CAMTA1: variants seen among roughly 807,000 people sequenced by gnomAD.
CAMTA1 encodes the protein calmodulin binding transcription activator 1.
CAMTA1 carries 27 observed loss-of-function variants against 170.9 expected under a neutral mutation model. The ratio of observed to expected loss-of-function variants is 0.16; its 90% CI spans 0.12 to 0.22. The LOEUF is 0.22. Ranked by LOEUF, CAMTA1 falls within the 10% of genes least tolerant of loss-of-function variation. The pLI is 1.00. For synonymous variants in CAMTA1, 833 were observed against 891.5 expected (o/e 0.93, Z 1.17); for missense variants, 1,619 against 2,217.2 (o/e 0.73, Z 5.42).
intron 5 of CAMTA1, among the ~76,000 whole-genome samples, chr1:7,458,834 C>G (rs2093019437): frequency 6.6e-6 from 1 of 152,248 alleles, no homozygotes; most frequent in African/African-American, 2.4e-5. Context: ...CAATGACGAT[C>G]TAATATTCCA....
Position 7,732,144 on chromosome 1 carries a change from T to A in CAMTA1, c.2915-304T>A, listed in dbSNP as rs1235955870. On this transcript the variant is annotated intron_variant, in intron 11 of 22. Coordinates refer to ENST00000303635, the MANE Select transcript of CAMTA1 (RefSeq NM_015215.4). The surrounding 1 kb of genome is among the most constrained non-coding windows in gnomAD (Gnocchi z 4.1). ...CTCTCTACCAGATCTCATGTCAGGG[T>A]TTCCGTTGGGGAATTTGACAAAGAA... 2.6e-5 allele frequency among the ~76,000 whole-genome samples: 4 copies of A among 152,076 alleles called. No homozygotes were observed. The highest frequency in any genetic ancestry group is 5.9e-5 in the Non-Finnish European group (4 of 68,012).
Position 7,010,444 on chromosome 1 carries a change from G to GCTTTCT in CAMTA1, c.235-80860_235-80859insCTTTCT, listed in dbSNP as rs1699621422. On this transcript the variant is annotated intron_variant, in intron 3 of 22. Transcript: ENST00000303635. The surrounding 1 kb of genome is among the most constrained non-coding windows in gnomAD (Gnocchi z 4.4). Reference sequence around the variant, plus strand: ...CACTCCCAGGTCATGTCAGTCCTGAGGATGCCAGGAGACGCTTTCTGAACA... The same window carrying GCTTTCT: ...CACTCCCAGGTCATGTCAGTCCTGAGCTTTCTGATGCCAGGAGACGCTTTCTGAACA... 1.3e-5 allele frequency among the ~76,000 whole-genome samples: 2 copies of GCTTTCT among 152,216 alleles called. No homozygotes were observed. Among genetic ancestry groups the GCTTTCT allele is most frequent in the African/African-American group, 4.8e-5 (2 of 41,460 alleles).
At chr1:7,419,337 A>G (rs554629000) in intron 5 of CAMTA1, among the ~76,000 whole-genome samples, 1 of 152,148 alleles carries the variant, frequency 6.6e-6, no homozygotes, top group East Asian at 1.9e-4. Context: ...TTGTATTTTT[A>G]GTAGAGATAG....
chr1:7,661,233 C>G (rs934866882), intron 7 of CAMTA1, among the ~76,000 whole-genome samples: 1 of 150,222 alleles, frequency 6.7e-6, no homozygotes, highest in African/African-American at 2.5e-5. Context: ...TCTTACCCCC[C>G]AGGGTGGGGC....
chr1:7,386,368 G>A (rs893543380), intron 5 of CAMTA1, among the ~76,000 whole-genome samples: 13 of 152,176 alleles, frequency 8.5e-5, no homozygotes, highest in African/African-American at 2.4e-4. Flanking sequence ...TGCAGTGTCC[G>A]GAAGACTTGG....
Position 7,499,307 on chromosome 1 carries a change from T to TGG in CAMTA1, c.510+31407_510+31408insGG, listed in dbSNP as rs1553183406. ...AGCCTGGTGTGCGTGTGTATGTATA[T>TGG]GAGTGTGTGTGCATGTGTGTACATG... On this transcript the variant is annotated intron_variant, in intron 6 of 22. Coordinates refer to ENST00000303635, the MANE Select transcript of CAMTA1 (RefSeq NM_015215.4). Among the ~76,000 whole-genome samples, 5 of 81,270 alleles carry TGG rather than the reference T, an allele frequency of 6.2e-5. 1 individual carries two copies. Among genetic ancestry groups the TGG allele is most frequent in the East Asian group, 3.7e-4 (1 of 2,708 alleles). The allele number at this position is 81,270 out of a possible 152,430, so 53.3% of individuals were successfully genotyped here. A position where few individuals can be genotyped will look rare whatever the true frequency, so the allele number is the denominator to read the frequency against.
At chr1:7,161,936 A>G (rs1033439363) in intron 4 of CAMTA1, among the ~76,000 whole-genome samples, 21 of 152,280 alleles carry the variant, frequency 1.4e-4, no homozygotes, top group African/African-American at 5.1e-4. Flanking sequence ...TGCAACGCCA[A>G]GCTTACTGTG....
intron 3 of CAMTA1, among the ~76,000 whole-genome samples, chr1:6,992,883 A>C (rs1024996210): frequency 2.0e-5 from 3 of 152,216 alleles, no homozygotes; most frequent in Non-Finnish European, 4.4e-5. Context: ...CAACCATGTC[A>C]CCATCTCAGA....
chr1:7,430,721 G>A (rs2092117928), intron 5 of CAMTA1, among the ~76,000 whole-genome samples: 1 of 152,188 alleles, frequency 6.6e-6, no homozygotes, highest in Admixed American at 6.5e-5. Context: ...CTCATTCTCT[G>A]CATGTTCACC....
At chr1:7,508,908 A>G (rs565168261) in intron 6 of CAMTA1, among the ~76,000 whole-genome samples, 1 of 152,264 alleles carries the variant, frequency 6.6e-6, no homozygotes, top group African/African-American at 2.4e-5. Context: ...TCACTCAGCT[A>G]ATGAGGAAGA....
chr1:7,257,292 C>T (rs1667556381), intron 5 of CAMTA1, among the ~76,000 whole-genome samples: 1 of 152,194 alleles, frequency 6.6e-6, no homozygotes, highest in Non-Finnish European at 1.5e-5. Context: ...CAGGTAGATA[C>T]TATTGTCATC....
At chr1:7,647,387 G>A (rs769008050) in intron 7 of CAMTA1, among the ~76,000 whole-genome samples, 2 of 152,140 alleles carry the variant, frequency 1.3e-5, no homozygotes, top group Non-Finnish European at 2.9e-5. Flanking sequence ...TGGGGCTCGC[G>A]GAGCCGTTCC....
intron 4 of CAMTA1, among the ~76,000 whole-genome samples, chr1:7,128,755 A>G (rs1645074915): frequency 6.6e-6 from 1 of 151,038 alleles, no homozygotes; most frequent in African/African-American, 2.4e-5. Context: ...CCTGGGTTCA[A>G]GTGATTCTCC....
intron 5 of CAMTA1, among the ~76,000 whole-genome samples, chr1:7,417,325 C>A (rs907553948): frequency 3.3e-5 from 5 of 152,270 alleles, no homozygotes; most frequent in Non-Finnish European, 7.3e-5. Flanking sequence ...ACGTTTAAGT[C>A]TGCAGAGGTT....
At position 7,609,520 on chromosome 1, in the gene CAMTA1, C is replaced by T. The variant is rs1275943505; in HGVS notation, c.511-30880C>T. 1.8e-4 allele frequency among the ~76,000 whole-genome samples: 27 copies of T among 152,320 alleles called. 1 individual carries two copies. Among genetic ancestry groups the T allele is most frequent in the Non-Finnish European group, 2.9e-5 (2 of 68,030 alleles). Reference sequence around the variant, plus strand: ...CAGCCTCCAGGCCCCCAGGGATGCTCAGGGCCTGCCACCCCTCTCTCAGGC... The same window carrying T: ...CAGCCTCCAGGCCCCCAGGGATGCTTAGGGCCTGCCACCCCTCTCTCAGGC... On this transcript the variant is annotated intron_variant, in intron 6 of 22. Transcript: ENST00000303635. This position sits in a 1 kb window ranked among gnomAD's most constrained non-coding sequence, Gnocchi z 4.4.
At chr1:7,390,598 G>C (rs1402236051) in intron 5 of CAMTA1, among the ~76,000 whole-genome samples, 1 of 152,208 alleles carries the variant, frequency 6.6e-6, no homozygotes, top group Non-Finnish European at 1.5e-5. Context: ...GTGGCAGTAG[G>C]GTTGCTGTTC....
At chr1:7,752,949 AC>A (rs2150180795) in intron 21 of CAMTA1, among the ~76,000 whole-genome samples, 1 of 152,366 alleles carries the variant, frequency 6.6e-6, no homozygotes, top group East Asian at 1.9e-4. Context: ...AAAGAAAACC[AC>A]GAATTCCAAA....
intron 4 of CAMTA1, among the ~76,000 whole-genome samples, chr1:7,147,053 C>T (rs553728170): frequency 2.2e-4 from 33 of 151,844 alleles, no homozygotes; most frequent in African/African-American, 7.7e-4. Flanking sequence ...CACACACACT[C>T]AAATGTATAT....
intron 3 of CAMTA1, chr1:6,834,644 ATT>A: frequency 2.6e-5 from 4 of 152,974 alleles, no homozygotes; most frequent in Non-Finnish European, 5.7e-5. Flanking sequence ...GACCTTTTTA[ATT>A]TTTTTTTTTG....
Sources: gnomAD v4.1 joint callset for allele counts (sites outside exome capture counted in the v4.1 genomes callset) on GRCh38, gnomAD v4.1.1 for gene constraint, Gnocchi (gnomAD v3.1) non-coding constraint, MANE v1.5 for transcripts, NCBI Gene and HGNC (gene_info 2026-07-23, HGNC 2026-07-21) for gene names.